DENND1A: variants seen among roughly 807,000 people sequenced by gnomAD.
The protein encoded by DENND1A is DENN domain containing 1A, also known as DENN domain-containing protein 1A.
DENND1A carries 51 observed loss-of-function variants against 113.7 expected under a neutral mutation model. That is an observed-to-expected ratio of 0.45 (90% CI 0.36 to 0.57). The LOEUF is 0.57. Among genes scored for constraint, DENND1A ranks in the 20% least tolerant of loss-of-function variants. The pLI is 0.00. For missense variants in DENND1A, 1,258 were observed against 1,395.9 expected, an observed-to-expected ratio of 0.90 and a Z score of 1.57; for synonymous variants, 565 against 570.8, an observed-to-expected ratio of 0.99 and a Z score of 0.14.
intron 3 of DENND1A, among the ~76,000 whole-genome samples, chr9:123,780,599 T>A (rs535477320): frequency 1.3e-5 from 2 of 152,202 alleles, no homozygotes; most frequent in Admixed American, 6.5e-5. Context: ...ATTCTTGACA[T>A]TGAAAATGAA....
chr9:123,551,179 C>T (rs900561832), intron 13 of DENND1A, among the ~76,000 whole-genome samples: 3 of 152,088 alleles, frequency 2.0e-5, no homozygotes, highest in South Asian at 4.1e-4. Context: ...TCCAGGTGAC[C>T]GAAAAATGGG....
chr9:123,898,225 T>C (rs1851074964), intron 1 of DENND1A, among the ~76,000 whole-genome samples: 1 of 152,230 alleles, frequency 6.6e-6, no homozygotes, highest in Non-Finnish European at 1.5e-5. Flanking sequence ...ATTTTCCATT[T>C]GTATATCTTC....
At chr9:123,603,668 G>A (rs1338851353) in intron 11 of DENND1A, among the ~76,000 whole-genome samples, 3 of 152,160 alleles carry the variant, frequency 2.0e-5, no homozygotes, top group African/African-American at 7.2e-5. Context: ...TGCACCTACT[G>A]CCTTGAACTA....
At chr9:123,802,616 C>T (rs1834867314) in intron 2 of DENND1A, among the ~76,000 whole-genome samples, 1 of 152,178 alleles carries the variant, frequency 6.6e-6, no homozygotes, top group Admixed American at 6.5e-5. Context: ...AACCATGATC[C>T]ACCTTCTCTC....
chr9:123,409,635 T>C (rs564266549), intron 20 of DENND1A, among the ~76,000 whole-genome samples: 4 of 152,030 alleles, frequency 2.6e-5, no homozygotes, highest in African/African-American at 9.6e-5. Context: ...AGTTTTCTCA[T>C]TGCTAAACTG....
At chr9:123,889,827 G>A (rs1346252233) in intron 1 of DENND1A, among the ~76,000 whole-genome samples, 1 of 152,054 alleles carries the variant, frequency 6.6e-6, no homozygotes, top group Non-Finnish European at 1.5e-5. Flanking sequence ...ACAAAAATTA[G>A]CCAGGCCTGG....
chr9:123,388,775 G>A (rs1372701481), intron 21 of DENND1A, among the ~76,000 whole-genome samples: 2 of 152,118 alleles, frequency 1.3e-5, no homozygotes, highest in Admixed American at 1.3e-4. Context: ...TGCTCAGCAG[G>A]GGCGAGCTGG....
chr9:123,716,005 G>A (rs373181622), intron 5 of DENND1A, among the ~76,000 whole-genome samples: 27 of 152,252 alleles, frequency 1.8e-4, no homozygotes, highest in African/African-American at 5.8e-4. Flanking sequence ...CACAACAAAT[G>A]CCCTTTAACA....
chr9:123,903,315 G>A (rs1200274275), intron 1 of DENND1A, among the ~76,000 whole-genome samples: 1 of 113,388 alleles, frequency 8.8e-6, no homozygotes, highest in Non-Finnish European at 1.6e-5. Context: ...CTGGGCGACA[G>A]AGCGAGACTC....
chr9:123,875,885 T>C (rs997986257), intron 2 of DENND1A, among the ~76,000 whole-genome samples: 10 of 152,150 alleles, frequency 6.6e-5, no homozygotes, highest in African/African-American at 2.4e-4. Flanking sequence ...CAGATCCTTC[T>C]AAAGCATCAG....
At chr9:123,557,480 C>T (rs2057485558) in intron 13 of DENND1A, 90 bp downstream of exon 13, 1 of 1,546,472 alleles carries the variant, frequency 6.5e-7, no homozygotes, top group South Asian at 1.2e-5. Flanking sequence ...ATCTGGAAAC[C>T]AGAAGAATCA....
At chr9:123,652,192 G>T (rs2062696373) in intron 8 of DENND1A, 69 bp from the exon 9 acceptor site, 3 of 1,278,172 alleles carry the variant, frequency 2.3e-6, no homozygotes, top group South Asian at 2.5e-5. Flanking sequence ...TATCTAATAA[G>T]AGCATAAGAA....
At chr9:123,885,347 G>T (rs1474302185) in intron 1 of DENND1A, among the ~76,000 whole-genome samples, 1 of 152,164 alleles carries the variant, frequency 6.6e-6, no homozygotes, top group African/African-American at 2.4e-5. Flanking sequence ...CACTAGACTG[G>T]CAGCTCCTTG....
At chr9:123,527,737 A>G (rs1466878876) in intron 13 of DENND1A, among the ~76,000 whole-genome samples, 1 of 152,180 alleles carries the variant, frequency 6.6e-6, no homozygotes, top group Non-Finnish European at 1.5e-5. Flanking sequence ...CCAGTGCCCA[A>G]TGTGGTTACT....
At chr9:123,646,652 T>C (rs987052701) in intron 9 of DENND1A, among the ~76,000 whole-genome samples, 36 of 152,128 alleles carry the variant, frequency 2.4e-4, no homozygotes, top group Non-Finnish European at 4.4e-5. Context: ...TTTTACTCCT[T>C]AGTACTTTCC....
intron 11 of DENND1A, among the ~76,000 whole-genome samples, chr9:123,593,898 A>G (rs2059574457): frequency 6.6e-6 from 1 of 151,960 alleles, no homozygotes; most frequent in Non-Finnish European, 1.5e-5. Context: ...TGTTCTTGTG[A>G]TGGTGAGTGA....
At chr9:123,753,938 CA>C (rs1376098984) in intron 5 of DENND1A, among the ~76,000 whole-genome samples, 4 of 152,140 alleles carry the variant, frequency 2.6e-5, no homozygotes, top group Admixed American at 1.3e-4. Context: ...TTGAGTGGTT[CA>C]CATGGACCAG....
chr9:123,711,938 A>G (rs1356595428), intron 5 of DENND1A, among the ~76,000 whole-genome samples: 3 of 152,134 alleles, frequency 2.0e-5, no homozygotes, highest in African/African-American at 7.2e-5. Context: ...GCTCAGTTCT[A>G]TGGTCCATCA....
chr9:123,842,844 T>C (rs1015466854), intron 2 of DENND1A, among the ~76,000 whole-genome samples: 1 of 152,066 alleles, frequency 6.6e-6, no homozygotes, highest in African/African-American at 2.4e-5. Context: ...ACTCAATATA[T>C]TAATACTAGC....
Sources: gnomAD v4.1 joint callset for allele counts (sites outside exome capture counted in the v4.1 genomes callset) on GRCh38, gnomAD v4.1.1 for gene constraint, MANE v1.5 for transcripts, NCBI Gene and HGNC (gene_info 2026-07-23, HGNC 2026-07-21) for gene names.